Variants in DISC1 observed in about 807,000 individuals in gnomAD.
DISC1 encodes the protein disrupted in schizophrenia 1 protein.
Under a neutral mutation model 84.5 loss-of-function variants are expected in DISC1, and 57 were observed. The ratio of observed to expected loss-of-function variants is 0.67; its 90% CI spans 0.55 to 0.84. DISC1 has a LOEUF of 0.84. Among genes scored for constraint, DISC1 ranks in the 40% least tolerant of loss-of-function variants. The pLI, the probability that DISC1 is intolerant of heterozygous loss-of-function variation, is 0.00. For missense variants in DISC1, 1,000 were observed against 1,057.8 expected (o/e 0.95, Z 0.76); for synonymous variants, 411 against 415.2 (o/e 0.99, Z 0.12).
intron 11 of DISC1, among the ~76,000 whole-genome samples, chr1:232,020,346 A>C (rs1161765609): frequency 6.6e-6 from 1 of 152,176 alleles, no homozygotes; most frequent in Non-Finnish European, 1.5e-5. Context: ...GTCTCAAAAA[A>C]TAAATAAATA....
At chr1:231,713,994 A>G (rs1008186725) in intron 3 of DISC1, among the ~76,000 whole-genome samples, 1 of 151,682 alleles carries the variant, frequency 6.6e-6, no homozygotes, top group Non-Finnish European at 1.5e-5. Flanking sequence ...ACATTATCCT[A>G]TATGTAGAAA....
chr1:231,832,154 G>T (rs1292918774), intron 9 of DISC1, among the ~76,000 whole-genome samples: 2 of 36,654 alleles, frequency 5.5e-5, no homozygotes, highest in Non-Finnish European at 7.1e-5. Context: ...ACAGCTGAAG[G>T]AGCCAGGGAG....
chr1:231,643,360 A>G (rs2059883800), intron 1 of DISC1, among the ~76,000 whole-genome samples: 1 of 152,212 alleles, frequency 6.6e-6, no homozygotes, highest in South Asian at 2.1e-4. Context: ...GTAAAAAAAA[A>G]TAAAATAAAA....
intron 2 of DISC1, among the ~76,000 whole-genome samples, chr1:231,701,075 T>C (rs913578425): frequency 3.9e-5 from 6 of 151,976 alleles, no homozygotes; most frequent in African/African-American, 1.5e-4. Context: ...GAAAAAGAGG[T>C]TTAACGGACT....
intron 3 of DISC1, among the ~76,000 whole-genome samples, chr1:231,741,691 T>C (rs2073301306): frequency 6.6e-6 from 1 of 152,112 alleles, no homozygotes; most frequent in South Asian, 2.1e-4. Flanking sequence ...TGGGATCTGA[T>C]GGATGAGGTA....
chr1:231,658,321 C>CA (rs2061305490), intron 1 of DISC1, among the ~76,000 whole-genome samples: 1 of 152,144 alleles, frequency 6.6e-6, no homozygotes, highest in African/African-American at 2.4e-5. Flanking sequence ...AATTTTTGCA[C>CA]ATTGATTTTG....
chr1:231,682,782 C>T (rs1362460201), intron 1 of DISC1, among the ~76,000 whole-genome samples: 1 of 152,212 alleles, frequency 6.6e-6, no homozygotes, highest in Admixed American at 6.5e-5. Flanking sequence ...TGTATTAAGA[C>T]TCAAAAATGA....
In DISC1 at chr1:232,037,000, G is replaced by T; in HGVS notation, c.*169G>T. ...TTCATTCTCATCAGTGTGAAACTGAGGAGTCTGCAATTTGGAATATGGAGA... is the reference window on the plus strand; with the variant it reads ...TTCATTCTCATCAGTGTGAAACTGATGAGTCTGCAATTTGGAATATGGAGA... On this transcript the variant is annotated 3_prime_UTR_variant, in exon 13 of 13. Coordinates refer to ENST00000439617, the MANE Select transcript of DISC1 (RefSeq NM_018662.3). 1 of 620,104 alleles carries T rather than the reference G, an allele frequency of 1.6e-6. No individual in the cohort carries two copies. The highest frequency in any genetic ancestry group is 2.4e-6 in the Non-Finnish European group (1 of 412,630). 38.4% of individuals were successfully genotyped at this position (620,104 alleles called of 1,614,324 possible). A position where few individuals can be genotyped will look rare whatever the true frequency, so the allele number is the denominator to read the frequency against.
chr1:231,972,930 T>C (rs1662214729), intron 10 of DISC1, among the ~76,000 whole-genome samples: 2 of 152,162 alleles, frequency 1.3e-5, no homozygotes, highest in Admixed American at 6.5e-5. Context: ...ACCCGTAATA[T>C]TGGGCTGCGT....
At chr1:231,745,785 C>T (rs1352905863) in intron 3 of DISC1, among the ~76,000 whole-genome samples, 1 of 152,038 alleles carries the variant, frequency 6.6e-6, no homozygotes, top group Non-Finnish European at 1.5e-5. Context: ...GATGTTTGTC[C>T]CCTTCAAATT....
intron 3 of DISC1, among the ~76,000 whole-genome samples, chr1:231,707,403 A>T (rs568746347): frequency 5.9e-5 from 9 of 152,140 alleles, no homozygotes; most frequent in African/African-American, 2.2e-4. Flanking sequence ...TGCTCTATAG[A>T]GCTTTCCCTT....
At chr1:231,786,852 T>A (rs12144056) in intron 6 of DISC1, among the ~76,000 whole-genome samples, 14,942 of 152,174 alleles carry the variant, frequency 0.098, 868 homozygotes, top group East Asian at 0.29. Context: ...TTGGGAGCAG[T>A]GCTCTGAGAA....
At chr1:231,883,764 G>T (rs577735802) in intron 9 of DISC1, among the ~76,000 whole-genome samples, 106 of 152,266 alleles carry the variant, frequency 7.0e-4, no homozygotes, top group African/African-American at 2.5e-3. Flanking sequence ...ACTACATGGG[G>T]ATGGTGCAAT....
intron 3 of DISC1, among the ~76,000 whole-genome samples, chr1:231,734,650 A>G (rs1472719159): frequency 1.3e-5 from 2 of 152,208 alleles, no homozygotes; most frequent in Non-Finnish European, 2.9e-5. Context: ...GCTGGGGAAG[A>G]ACACTTGCTT....
chr1:231,843,538 C>T (rs1017627194), intron 9 of DISC1, among the ~76,000 whole-genome samples: 1 of 152,172 alleles, frequency 6.6e-6, no homozygotes, highest in African/African-American at 2.4e-5. Context: ...GGCCATCCCC[C>T]TGCAGGGAGG....
intron 9 of DISC1, among the ~76,000 whole-genome samples, chr1:231,865,886 TA>T (rs1341335306): frequency 6.6e-6 from 1 of 152,218 alleles, no homozygotes. Flanking sequence ...TCTGGTACTC[TA>T]AAAACAGATT....
intron 11 of DISC1, among the ~76,000 whole-genome samples, chr1:232,025,621 G>A (rs1288155695): frequency 6.8e-6 from 1 of 146,388 alleles, no homozygotes; most frequent in Non-Finnish European, 1.5e-5. Flanking sequence ...TTTTGAGACG[G>A]AGTCTCGCTC....
Position 232,038,559 on chromosome 1 carries a change from C to G in DISC1, c.*1728C>G, listed in dbSNP as rs1243880832. On this transcript the variant is annotated 3_prime_UTR_variant, in exon 13 of 13. Transcript: ENST00000439617. ...TTGATTTTATCTAACCTCAAACTTT[C>G]CAAGTTTAATGGATCGTGAATTTTT... The G allele has an allele frequency of 1.3e-5, 2 of 152,032 alleles. No homozygotes were observed. Among genetic ancestry groups the G allele is most frequent in the Admixed American group, 1.3e-4 (2 of 15,246 alleles). The allele number at this position is 152,032 out of a possible 1,614,324, so 9.4% of individuals were successfully genotyped here.
intron 10 of DISC1, among the ~76,000 whole-genome samples, chr1:231,989,359 A>C (rs189311578): frequency 6.6e-6 from 1 of 152,330 alleles, no homozygotes; most frequent in Admixed American, 6.5e-5. Context: ...TGGTGATGGC[A>C]TAAAGATAAC....
Sources: allele counts gnomAD v4.1 joint callset (sites outside exome capture counted in the v4.1 genomes callset), GRCh38; gene constraint gnomAD v4.1.1; transcripts MANE v1.5; gene names NCBI Gene and HGNC (gene_info 2026-07-23, HGNC 2026-07-21).